Variants in SPIRE1 observed in about 807,000 individuals in gnomAD.
SPIRE1 encodes protein spire homolog 1.
In SPIRE1, 40 loss-of-function variants were observed where a neutral mutation model predicts 94.1. The observed-to-expected ratio is 0.43, with a 90% CI of 0.33 to 0.55. The LOEUF is 0.55. Ranked by LOEUF, SPIRE1 falls within the 20% of genes least tolerant of loss-of-function variation. SPIRE1 has a pLI of 0.06. For missense variants in SPIRE1, 838 were observed against 975.2 expected (o/e 0.86, Z 1.87); for synonymous variants, 376 against 371.7 (o/e 1.01, Z -0.13).
rs377013770 is a variant in SPIRE1, at chr18:12,557,414, G to A, written c.373-10510C>T. On this transcript the variant is annotated intron_variant, in intron 2 of 16. Coordinates refer to ENST00000409402, the MANE Select transcript of SPIRE1 (RefSeq NM_001128626.2). ...AGGTGCTAAGCCCCTCACTGCCCAG[G>A]GCCGTTGCTGCCAGCCACTCCAAAT... 3.9e-5 allele frequency among the ~76,000 whole-genome samples: 6 copies of A among 152,304 alleles called. No homozygotes were observed. The South Asian group carries it at 8.3e-4, about 21-fold the overall frequency.
chr18:12,637,855 T>A, intron 1 of SPIRE1, among the ~76,000 whole-genome samples: 1 of 151,764 alleles, frequency 6.6e-6, no homozygotes, highest in Non-Finnish European at 1.5e-5. Context: ...CAAAAGGGCA[T>A]AAGAGTCTAT....
At chr18:12,503,214 C>T (rs1157942648) in intron 6 of SPIRE1, among the ~76,000 whole-genome samples, 1 of 152,102 alleles carries the variant, frequency 6.6e-6, no homozygotes, top group Non-Finnish European at 1.5e-5. Context: ...ATACTGTTTG[C>T]TCACTGTCAC....
intron 8 of SPIRE1, among the ~76,000 whole-genome samples, chr18:12,490,911 A>T (rs1568204778): frequency 6.6e-6 from 1 of 152,152 alleles, no homozygotes; most frequent in Non-Finnish European, 1.5e-5. Flanking sequence ...TCAACATAGT[A>T]CTGGTAGTTC....
intron 12 of SPIRE1, among the ~76,000 whole-genome samples, chr18:12,456,491 T>C (rs1406823550): frequency 6.6e-6 from 1 of 152,160 alleles, no homozygotes; most frequent in Non-Finnish European, 1.5e-5. Flanking sequence ...TATGACAAAA[T>C]GGCTATGCTG....
chr18:12,655,723 G>C (rs1290930837), intron 1 of SPIRE1, among the ~76,000 whole-genome samples: 3 of 151,960 alleles, frequency 2.0e-5, no homozygotes, highest in Non-Finnish European at 4.4e-5. Flanking sequence ...CCATCCACGA[G>C]AATCTATCAA....
chr18:12,549,439 G>GGTTTTTTTTTTT, intron 2 of SPIRE1, among the ~76,000 whole-genome samples: 1 of 41,248 alleles, frequency 2.4e-5, no homozygotes, highest in Non-Finnish European at 3.9e-5. Context: ...TGTTATTGTT[G>GGTTTTTTTTTTT]TTTTTTTTTT....
intron 2 of SPIRE1, among the ~76,000 whole-genome samples, chr18:12,614,926 T>C (rs11664765): frequency 0.56 from 84,879 of 151,308 alleles, 24,914 homozygotes; most frequent in Middle Eastern, 0.76. Context: ...CGGTGGCTCA[T>C]GCCTGTAATC....
At chr18:12,451,597 T>C (rs1457935655) in intron 16 of SPIRE1, among the ~76,000 whole-genome samples, 1 of 152,128 alleles carries the variant, frequency 6.6e-6, no homozygotes, top group African/African-American at 2.4e-5. Flanking sequence ...AGGCACAAGG[T>C]TCATGCTGGG....
At chr18:12,533,734 T>C (rs777704378) in intron 4 of SPIRE1, among the ~76,000 whole-genome samples, 5 of 152,182 alleles carry the variant, frequency 3.3e-5, no homozygotes, top group African/African-American at 4.8e-5. Context: ...GGTTCATACA[T>C]GTACACCCTA....
At chr18:12,624,600 G>C (rs141634866) in intron 2 of SPIRE1, among the ~76,000 whole-genome samples, 163 of 145,004 alleles carry the variant, frequency 1.1e-3, no homozygotes, top group African/African-American at 4.1e-3. Flanking sequence ...AGGTGTTTAA[G>C]CTACCCATAT....
intron 1 of SPIRE1, among the ~76,000 whole-genome samples, chr18:12,649,860 T>C (rs999965587): frequency 1.8e-4 from 27 of 152,338 alleles, no homozygotes; most frequent in African/African-American, 5.8e-4. Context: ...AAATACATTA[T>C]TCCAAAATTT....
intron 2 of SPIRE1, among the ~76,000 whole-genome samples, chr18:12,622,064 T>C (rs1035778651): frequency 1.3e-5 from 2 of 152,150 alleles, no homozygotes; most frequent in East Asian, 1.9e-4. Context: ...GACTCATCCA[T>C]CTCTACTCCC....
intron 10 of SPIRE1, among the ~76,000 whole-genome samples, chr18:12,476,565 ATAT>A (rs1165003777): frequency 0.14 from 7,343 of 53,856 alleles, 777 homozygotes; most frequent in East Asian, 0.22. Flanking sequence ...AAAAAAAAAA[ATAT>A]ATATATATAT....
At chr18:12,539,353 G>T (rs2034939876) in intron 3 of SPIRE1, among the ~76,000 whole-genome samples, 1 of 152,070 alleles carries the variant, frequency 6.6e-6, no homozygotes, top group Non-Finnish European at 1.5e-5. Flanking sequence ...TTGGCCTGCT[G>T]CCAGCGATGT....
intron 2 of SPIRE1, among the ~76,000 whole-genome samples, chr18:12,552,658 T>C (rs537348039): frequency 1.0e-3 from 152 of 152,240 alleles, no homozygotes; most frequent in African/African-American, 3.5e-3. Flanking sequence ...AAGATCCCTG[T>C]CCTATTCTGT....
At chr18:12,510,533 A>C (rs926121310) in intron 5 of SPIRE1, among the ~76,000 whole-genome samples, 8 of 151,598 alleles carry the variant, frequency 5.3e-5, no homozygotes, top group African/African-American at 1.7e-4. Flanking sequence ...CAATACCTGG[A>C]CTTCAACAAT....
chr18:12,508,253 G>C (rs1242076938), intron 5 of SPIRE1, among the ~76,000 whole-genome samples: 1 of 152,084 alleles, frequency 6.6e-6, no homozygotes, highest in Admixed American at 6.5e-5. Flanking sequence ...TAAAATAACT[G>C]ATTAAATTTC....
chr18:12,551,363 T>C (rs984549233), intron 2 of SPIRE1, among the ~76,000 whole-genome samples: 2 of 152,162 alleles, frequency 1.3e-5, no homozygotes, highest in African/African-American at 4.8e-5. Flanking sequence ...AAATAAAATA[T>C]TTAGTAGAAA....
At chr18:12,472,679 G>C (rs555492153) in intron 10 of SPIRE1, among the ~76,000 whole-genome samples, 3 of 143,526 alleles carry the variant, frequency 2.1e-5, no homozygotes, top group South Asian at 2.2e-4. Flanking sequence ...TTTTTTTTGC[G>C]GGGGGGGACT....
Sources: gnomAD v4.1 joint callset for allele counts (sites outside exome capture counted in the v4.1 genomes callset) on GRCh38, gnomAD v4.1.1 for gene constraint, MANE v1.5 for transcripts, NCBI Gene and HGNC (gene_info 2026-07-23, HGNC 2026-07-21) for gene names.